The following LRRC49 variants were observed in gnomAD, a reference collection of about 807,000 sequenced individuals.
LRRC49 encodes the protein leucine-rich repeat-containing protein 49.
A neutral mutation model predicts 83.3 loss-of-function variants in LRRC49; 50 were observed. That is an observed-to-expected ratio of 0.60 (90% CI 0.48 to 0.76). The LOEUF is 0.76. Among genes scored for constraint, LRRC49 ranks in the 30% least tolerant of loss-of-function variants. LRRC49 has a pLI of 0.00. For missense variants in LRRC49, 704 were observed against 809.1 expected, an observed-to-expected ratio of 0.87 and a Z score of 1.58; for synonymous variants, 286 against 283.3, an observed-to-expected ratio of 1.01 and a Z score of -0.10.
intron 7 of LRRC49, among the ~76,000 whole-genome samples, chr15:70,928,953 C>T (rs1005369213): frequency 6.6e-6 from 1 of 152,158 alleles, no homozygotes; most frequent in African/African-American, 2.4e-5. Context: ...TTCTTAAACA[C>T]CTGCTAGATA....
intron 2 of LRRC49, among the ~76,000 whole-genome samples, chr15:70,878,904 A>C (rs962189430): frequency 2.0e-5 from 3 of 152,176 alleles, no homozygotes; most frequent in Non-Finnish European, 4.4e-5. Flanking sequence ...GTTGGTTTAT[A>C]ATTTCTTTTC....
intron 1 of LRRC49, chr15:70,853,865 T>A (rs1216432279): frequency 1.2e-5 from 15 of 1,253,676 alleles, no homozygotes; most frequent in Non-Finnish European, 1.5e-5. Flanking sequence ...GGGGCCCACC[T>A]CCCGGGCCAG....
intron 11 of LRRC49, among the ~76,000 whole-genome samples, chr15:70,989,944 C>T (rs192381195): frequency 2.2e-4 from 33 of 152,242 alleles, no homozygotes; most frequent in African/African-American, 6.7e-4. Flanking sequence ...GGCAGAACAG[C>T]GGATTTTTGT....
Position 71,037,350 on chromosome 15 carries a change from C to G in LRRC49, c.1857+18C>G, listed in dbSNP as rs1221819313. On this transcript the variant is annotated intron_variant, in intron 15 of 15. Coordinates refer to ENST00000260382, the MANE Select transcript of LRRC49 (RefSeq NM_017691.5). ...AGCTAGAGGTAAAACTACTGTTAAT[C>G]TTTGCGATCTAATGCCAGGATATAT... The G allele has an allele frequency of 2.5e-6, 4 of 1,571,368 alleles. No individual in the cohort carries two copies. In the African/African-American group the frequency reaches 4.1e-5, roughly 16 times the overall value.
At chr15:70,912,879 A>T (rs1010155179) in intron 6 of LRRC49, among the ~76,000 whole-genome samples, 1 of 151,902 alleles carries the variant, frequency 6.6e-6, no homozygotes, top group East Asian at 1.9e-4. Flanking sequence ...GGGTTTCACC[A>T]TGTTAGCCAG....
chr15:71,007,709 GTATATATATATATA>G (rs55946096), intron 11 of LRRC49, among the ~76,000 whole-genome samples: 6 of 137,698 alleles, frequency 4.4e-5, no homozygotes, highest in Admixed American at 1.4e-4. Flanking sequence ...TGAGAAGCAT[GTATATATATATATA>G]TATATATATA....
At chr15:70,963,424 G>C (rs534936371) in intron 8 of LRRC49, among the ~76,000 whole-genome samples, 1 of 152,154 alleles carries the variant, frequency 6.6e-6, no homozygotes, top group African/African-American at 2.4e-5. Context: ...AGGCAAGTCT[G>C]AGAAATTGTC....
chr15:70,952,182 T>A lies in LRRC49; in HGVS notation c.774-11603T>A, dbSNP rs556109501. ...TTGCTTGTATTTTGTTGAGGATTTT[T>A]ACATCTGTGTTCATCAGGGACGTTG... On this transcript the variant is annotated intron_variant, in intron 8 of 15. Coordinates refer to ENST00000260382, the MANE Select transcript of LRRC49 (RefSeq NM_017691.5). Among the ~76,000 whole-genome samples, 4 of 152,186 alleles carry A rather than the reference T, an allele frequency of 2.6e-5. No homozygotes were observed. The South Asian group carries it at 8.3e-4, about 32-fold the overall frequency.
At chr15:70,933,238 A>G (rs2035478719) in intron 7 of LRRC49, among the ~76,000 whole-genome samples, 1 of 152,146 alleles carries the variant, frequency 6.6e-6, no homozygotes, top group Non-Finnish European at 1.5e-5. Flanking sequence ...ACTTCAAAAA[A>G]TGTTTTGAAT....
At chr15:70,886,421 T>A (rs564263108) in intron 2 of LRRC49, among the ~76,000 whole-genome samples, 1 of 152,030 alleles carries the variant, frequency 6.6e-6, no homozygotes, top group South Asian at 2.1e-4. Context: ...TGAAAATCAA[T>A]GATATAATTT....
At chr15:70,871,226 C>G (rs1451596349) in intron 1 of LRRC49, among the ~76,000 whole-genome samples, 1 of 151,858 alleles carries the variant, frequency 6.6e-6, no homozygotes, top group East Asian at 1.9e-4. Context: ...TCCATTTAAC[C>G]CTGAGTGGAC....
chr15:70,929,484 G>T (rs897011084), intron 7 of LRRC49, among the ~76,000 whole-genome samples: 12 of 152,242 alleles, frequency 7.9e-5, no homozygotes, highest in African/African-American at 2.9e-4. Flanking sequence ...GTGGAGGGAG[G>T]GTCTTGCCGT....
intron 2 of LRRC49, among the ~76,000 whole-genome samples, chr15:70,877,178 G>C (rs1357133395): frequency 6.6e-6 from 1 of 152,130 alleles, no homozygotes; most frequent in Non-Finnish European, 1.5e-5. Context: ...TTTATTGCTT[G>C]AACTATCATT....
chr15:70,987,061 A>C (rs1428501602), intron 11 of LRRC49, among the ~76,000 whole-genome samples: 1 of 152,160 alleles, frequency 6.6e-6, no homozygotes, highest in East Asian at 1.9e-4. Context: ...GGATTTTTGC[A>C]TCAATGTTCA....
intron 14 of LRRC49, among the ~76,000 whole-genome samples, chr15:71,027,224 G>A (rs1200789071): frequency 6.6e-6 from 1 of 152,096 alleles, no homozygotes; most frequent in Admixed American, 6.6e-5. Flanking sequence ...GCTTGTTTTT[G>A]TCAGATTTGT....
At chr15:70,867,298 G>T (rs553095235) in intron 1 of LRRC49, among the ~76,000 whole-genome samples, 45 of 152,252 alleles carry the variant, frequency 3.0e-4, no homozygotes, top group African/African-American at 1.1e-3. Flanking sequence ...GAGAAGAAAA[G>T]AACTTCCTGT....
At chr15:70,882,958 T>C (rs963258733) in intron 2 of LRRC49, 1 of 1,579,880 alleles carries the variant, frequency 6.3e-7, no homozygotes, top group African/African-American at 1.4e-5. Flanking sequence ...CCTTATAGGA[T>C]TTTATCTTTC....
Position 70,882,704 on chromosome 15 carries a change from C to T in LRRC49, c.18+9481C>T. ...GAGTTAGACTTTGCTTTTCATATAT[C>T]TTTAATATACGAAAGATCAATTCAA... On this transcript the variant is annotated intron_variant, in intron 2 of 16. Coordinates refer to the LRRC49 transcript ENST00000544974. 3.7e-6 allele frequency: 6 copies of T among 1,610,382 alleles called. 1 individual carries two copies. The South Asian group carries it at 6.6e-5, about 18-fold the overall frequency.
chr15:70,912,095 G>C (rs1159600027), intron 6 of LRRC49, among the ~76,000 whole-genome samples: 3 of 152,044 alleles, frequency 2.0e-5, no homozygotes, highest in African/African-American at 7.3e-5. Context: ...TTGTCATCTA[G>C]TGTTTACTTT....
Sources: allele counts gnomAD v4.1 joint callset (sites outside exome capture counted in the v4.1 genomes callset), GRCh38; gene constraint gnomAD v4.1.1; transcripts MANE v1.5; gene names NCBI Gene and HGNC (gene_info 2026-07-23, HGNC 2026-07-21).